DACH2: variants seen among roughly 807,000 people sequenced by gnomAD.
DACH2 encodes dachshund family transcription factor 2.
Under a neutral mutation model 35.8 loss-of-function variants are expected in DACH2, and 17 were observed. That is an observed-to-expected ratio of 0.48 (90% confidence interval 0.33 to 0.71). The LOEUF (loss-of-function observed/expected upper bound fraction) is 0.71, where lower values mean the gene tolerates loss of function less well. Among genes scored for constraint, DACH2 ranks in the 30% least tolerant of loss-of-function variants. The probability of loss-of-function intolerance (pLI) is 0.02; values close to 1 mark genes in which losing one functional copy is unlikely to be tolerated. For synonymous variants in DACH2, 195 were observed against 177.3 expected (o/e 1.10, Z -0.79); for missense variants, 469 against 472.7 (o/e 0.99, Z 0.07).
At chrX:86,324,555 G>A (rs2035074412) in intron 1 of DACH2, among the ~76,000 whole-genome samples, 1 of 104,516 alleles carries the variant, frequency 9.6e-6, no homozygotes, top group East Asian at 3.0e-4. Flanking sequence ...AATTGATGTG[G>A]CAAACTCACT....
chrX:86,324,319 A>G (rs919498367), intron 1 of DACH2, among the ~76,000 whole-genome samples: 20 of 111,769 alleles, frequency 1.8e-4, no homozygotes, highest in African/African-American at 6.5e-4. Context: ...GTTCCTTCCT[A>G]TGGATGACCA....
chrX:86,536,319 C>G (rs769311338), intron 3 of DACH2, among the ~76,000 whole-genome samples: 10 of 111,529 alleles, frequency 9.0e-5, no homozygotes, highest in Non-Finnish European at 1.9e-4. Context: ...CACCTCCTCT[C>G]AACATGATGT....
chrX:86,272,640 A>G (rs904121041), intron 1 of DACH2, among the ~76,000 whole-genome samples: 6 of 111,918 alleles, frequency 5.4e-5, no homozygotes, highest in Non-Finnish European at 1.1e-4. Flanking sequence ...AGTAACATTG[A>G]GGAGGGACTA....
chrX:86,375,872 A>G (rs1375318270), intron 1 of DACH2, among the ~76,000 whole-genome samples: 1 of 110,452 alleles, frequency 9.1e-6, no homozygotes. Flanking sequence ...AACCACATAT[A>G]CTTGTAGTGG....
At position 86,739,910 on chromosome X, in the gene DACH2, T is replaced by G. The variant is rs777498382; in HGVS notation, c.1240+28T>G. The G allele has an allele frequency of 3.0e-5, 35 of 1,154,970 alleles. No individual in the cohort carries two copies. In the South Asian group the frequency reaches 7.2e-4, roughly 24 times the overall value. On this transcript the variant is annotated intron_variant, in intron 7 of 11. Transcript: ENST00000373125. Reference sequence around the variant, plus strand: ...GAGTAACTTTTCTGAAACAGGTAATTGGAAAACATTGTTTCTGGAAATTAG... The same window carrying G: ...GAGTAACTTTTCTGAAACAGGTAATGGGAAAACATTGTTTCTGGAAATTAG...
rs948834679 is a variant in DACH2 at position 86,554,215 on chromosome X, T to C, written c.640+39824T>C. Among the ~76,000 whole-genome samples, 3 of 111,473 alleles carry C rather than the reference T, an allele frequency of 2.7e-5. No homozygotes were observed. The Admixed American group carries it at 2.9e-4, about 11-fold the overall frequency. On this transcript the variant is annotated intron_variant, in intron 3 of 11. Coordinates refer to ENST00000373125, the MANE Select transcript of DACH2 (RefSeq NM_053281.3). The stretch of plus-strand genomic sequence containing the variant: ...CTTTTGTAAGTATCAAGTAGAATGG[T>C]GTAATAATATCACCCAGAGGCAGTC...
Position 86,422,462 on chromosome X carries a change from G to T in DACH2, c.527+45600G>T, listed in dbSNP as rs188323116. ...GTGAGGAAAGTTTACCCTATAATTG[G>T]CTGTCTCTCATACATGAAAATCACA... On this transcript the variant is annotated intron_variant, in intron 2 of 11. Coordinates refer to ENST00000373125, the MANE Select transcript of DACH2 (RefSeq NM_053281.3). 2.4e-4 allele frequency among the ~76,000 whole-genome samples: 27 copies of T among 110,601 alleles called. No homozygotes were observed. The East Asian group carries it at 3.4e-3, about 14-fold the overall frequency.
At chrX:86,290,019 C>G (rs1334565771) in intron 1 of DACH2, among the ~76,000 whole-genome samples, 25 of 96,025 alleles carry the variant, frequency 2.6e-4, no homozygotes, top group African/African-American at 9.4e-4. Flanking sequence ...AATGGTTGAA[C>G]TAGTTTACAG....
intron 7 of DACH2, among the ~76,000 whole-genome samples, chrX:86,755,791 G>T (rs978728254): frequency 1.6e-4 from 17 of 108,599 alleles, no homozygotes; most frequent in African/African-American, 5.4e-4. Context: ...TAGAGATGGG[G>T]TTTCACCATG....
intron 1 of DACH2, among the ~76,000 whole-genome samples, chrX:86,316,019 A>G (rs1436081369): frequency 9.0e-6 from 1 of 111,107 alleles, no homozygotes; most frequent in African/African-American, 3.3e-5. Context: ...TTTAGTTGGG[A>G]CCAGGTGTGC....
chrX:86,477,093 G>A (rs921240189), intron 2 of DACH2, among the ~76,000 whole-genome samples: 11 of 109,575 alleles, frequency 1.0e-4, no homozygotes, highest in Non-Finnish European at 1.5e-4. Flanking sequence ...AGTGATCCAC[G>A]TGCTGATGAT....
intron 1 of DACH2, among the ~76,000 whole-genome samples, chrX:86,333,181 C>A (rs931644706): frequency 9.0e-6 from 1 of 111,649 alleles, no homozygotes; most frequent in South Asian, 3.7e-4. Flanking sequence ...CTCTTGATTT[C>A]CAATTTTTGA....
chrX:86,519,566 T>C (rs2038521560), intron 3 of DACH2, among the ~76,000 whole-genome samples: 1 of 112,056 alleles, frequency 8.9e-6, no homozygotes, highest in Non-Finnish European at 1.9e-5. Context: ...ATGGATTCAA[T>C]TTCAGAGTGT....
chrX:86,661,583 C>T (rs2040605486), intron 4 of DACH2, among the ~76,000 whole-genome samples: 1 of 112,174 alleles, frequency 8.9e-6, no homozygotes, highest in Non-Finnish European at 1.9e-5. Flanking sequence ...ATCCATTTAT[C>T]TGTTCATGGC....
chrX:86,233,613 C>T (rs2032995722), intron 1 of DACH2, among the ~76,000 whole-genome samples: 1 of 111,594 alleles, frequency 9.0e-6, no homozygotes, highest in Non-Finnish European at 1.9e-5. Context: ...AGTTGTGTCT[C>T]TGGGAGAGTT....
At chrX:86,296,709 T>C (rs2034469743) in intron 1 of DACH2, among the ~76,000 whole-genome samples, 1 of 111,408 alleles carries the variant, frequency 9.0e-6, no homozygotes, top group Non-Finnish European at 1.9e-5. Flanking sequence ...ATCACTTTGA[T>C]TAAAAATCTT....
At position 86,311,441 on chromosome X, in the gene DACH2, C is replaced by A. The variant is rs751433138; in HGVS notation, c.489-65383C>A. ...TTTGAAGTCACAATTACAACACCAA[C>A]TAGGTGACAATGCTCTGCCAGGCTG... On this transcript the variant is annotated intron_variant, in intron 1 of 11. Transcript: ENST00000373125. Among the ~76,000 whole-genome samples, 3 of 111,763 alleles carry A rather than the reference C, an allele frequency of 2.7e-5. No individual in the cohort carries two copies. In the South Asian group the frequency reaches 1.1e-3, roughly 42 times the overall value.
chrX:86,583,743 T>C (rs959131127), intron 3 of DACH2, among the ~76,000 whole-genome samples: 6 of 109,942 alleles, frequency 5.5e-5, no homozygotes, highest in Non-Finnish European at 9.5e-5. Context: ...CAGCCTTGCA[T>C]CTCAGGAATA....
chrX:86,439,657 CT>C (rs1357114472), intron 2 of DACH2, among the ~76,000 whole-genome samples: 2 of 111,095 alleles, frequency 1.8e-5, no homozygotes, highest in Non-Finnish European at 3.8e-5. Context: ...CTTTCTTCTG[CT>C]CAGTTTGGAT....
Sources: allele counts gnomAD v4.1 joint callset (sites outside exome capture counted in the v4.1 genomes callset), GRCh38; gene constraint gnomAD v4.1.1; transcripts MANE v1.5; gene names NCBI Gene and HGNC (gene_info 2026-07-23, HGNC 2026-07-21).